The following ARFGEF3 variants were observed in gnomAD, a reference collection of about 807,000 sequenced individuals.
The protein encoded by ARFGEF3 is brefeldin A-inhibited guanine nucleotide-exchange protein 3.
Under a neutral mutation model 221.7 loss-of-function variants are expected in ARFGEF3, and 96 were observed. The ratio of observed to expected loss-of-function variants is 0.43; its 90% CI spans 0.37 to 0.51. The LOEUF (loss-of-function observed/expected upper bound fraction) is 0.51, where lower values mean the gene tolerates loss of function less well. Ranked by LOEUF, ARFGEF3 falls within the 20% of genes least tolerant of loss-of-function variation. The pLI is 0.00. For synonymous variants in ARFGEF3, 1,145 were observed against 1,126.8 expected, an observed-to-expected ratio of 1.02 and a Z score of -0.32; for missense variants, 2,410 against 2,789.9, an observed-to-expected ratio of 0.86 and a Z score of 3.07.
At chr6:138,268,706 C>G (rs1043313498) in intron 12 of ARFGEF3, among the ~76,000 whole-genome samples, 3 of 152,194 alleles carry the variant, frequency 2.0e-5, no homozygotes, top group Non-Finnish European at 2.9e-5. Flanking sequence ...AAAGGAAGGT[C>G]CCAGCCTTGC....
At chr6:138,217,967 C>T in intron 4 of ARFGEF3, 2 of 1,572,356 alleles carry the variant, frequency 1.3e-6, no homozygotes, top group South Asian at 1.2e-5. Flanking sequence ...TCTGGAAAGG[C>T]TTTGCAGCAG....
intron 14 of ARFGEF3, among the ~76,000 whole-genome samples, chr6:138,283,385 A>G (rs1261961487): frequency 6.6e-6 from 1 of 152,240 alleles, no homozygotes; most frequent in Non-Finnish European, 1.5e-5. Flanking sequence ...TTAATTAGCC[A>G]TCGCTGTTAT....
At chr6:138,285,419 A>G (rs868122220) in intron 14 of ARFGEF3, among the ~76,000 whole-genome samples, 13 of 150,298 alleles carry the variant, frequency 8.6e-5, no homozygotes, top group African/African-American at 3.2e-4. Context: ...ACGCCACTGC[A>G]CTCCAGCCTG....
At chr6:138,194,991 T>A (rs1282030100) in intron 2 of ARFGEF3, among the ~76,000 whole-genome samples, 1 of 94,148 alleles carries the variant, frequency 1.1e-5, no homozygotes, top group East Asian at 5.9e-4. Context: ...TTTCCCTAAT[T>A]TTTTTTTTTT....
chr6:138,164,241 G>A (rs1776676595), intron 1 of ARFGEF3, among the ~76,000 whole-genome samples: 1 of 152,068 alleles, frequency 6.6e-6, no homozygotes, highest in Non-Finnish European at 1.5e-5. Flanking sequence ...TTTATTTCTA[G>A]ATTAATGTGT....
At chr6:138,192,032 C>T (rs1312509026) in intron 2 of ARFGEF3, among the ~76,000 whole-genome samples, 1 of 152,148 alleles carries the variant, frequency 6.6e-6, no homozygotes, top group Non-Finnish European at 1.5e-5. Context: ...TACGCTGAGT[C>T]CTAGGTGAGG....
chr6:138,169,967 C>CAA (rs1454106109), intron 1 of ARFGEF3, among the ~76,000 whole-genome samples: 1 of 152,088 alleles, frequency 6.6e-6, no homozygotes, highest in African/African-American at 2.4e-5. Context: ...AGAAAGGGGT[C>CAA]AACACAATTT....
At chr6:138,165,469 C>A (rs1467760464) in intron 1 of ARFGEF3, among the ~76,000 whole-genome samples, 1 of 150,970 alleles carries the variant, frequency 6.6e-6, no homozygotes, top group Non-Finnish European at 1.5e-5. Flanking sequence ...CCCACTGAGA[C>A]CCTCATGGGA....
At chr6:138,170,619 G>T in intron 1 of ARFGEF3, 43 bp from the exon 2 acceptor site, 1 of 1,041,144 alleles carries the variant, frequency 9.6e-7, no homozygotes. Context: ...TATATTCTCA[G>T]TGTTTAAATA....
In ARFGEF3 at chr6:138,170,657, T is replaced by C. The variant is rs780600008; in HGVS notation, c.86-5T>C. ...TATTTTAACTTTGTAATTTTTCTTT[T>C]GCAGAAACTCTAGGTGGTCTGGATA... On this transcript the variant is annotated splice_region_variant and splice_polypyrimidine_tract_variant and intron_variant, in intron 1 of 33. Coordinates refer to ENST00000251691, the MANE Select transcript of ARFGEF3 (RefSeq NM_020340.5). 23 of 1,532,346 alleles carry C rather than the reference T, an allele frequency of 1.5e-5. No homozygotes were observed. The East Asian group carries it at 1.8e-4, about 12-fold the overall frequency. 94.9% of individuals were successfully genotyped at this position (1,532,346 alleles called of 1,614,324 possible). A position where few individuals can be genotyped will look rare whatever the true frequency, so the allele number is the denominator to read the frequency against.
At chr6:138,192,695 G>T (rs1024577164) in intron 2 of ARFGEF3, among the ~76,000 whole-genome samples, 1 of 152,238 alleles carries the variant, frequency 6.6e-6, no homozygotes, top group Non-Finnish European at 1.5e-5. Context: ...CAGAGCTGGG[G>T]CGCTCCAGAG....
chr6:138,253,212 C>T (rs921544743), intron 8 of ARFGEF3, among the ~76,000 whole-genome samples: 1 of 151,924 alleles, frequency 6.6e-6, no homozygotes, highest in Non-Finnish European at 1.5e-5. Flanking sequence ...GGCAAGTGTA[C>T]TATACCAATG....
At chr6:138,321,342 C>T (rs1336985758) in intron 29 of ARFGEF3, 117 bp downstream of exon 29, 1 of 613,894 alleles carries the variant, frequency 1.6e-6, no homozygotes, top group Non-Finnish European at 2.9e-6. Context: ...TGTAAGTAGA[C>T]TTTTGTAATT....
chr6:138,321,941 C>CA (rs1287620712), intron 29 of ARFGEF3, among the ~76,000 whole-genome samples: 3 of 152,112 alleles, frequency 2.0e-5, no homozygotes, highest in Non-Finnish European at 4.4e-5. Flanking sequence ...TGGCGGAAGG[C>CA]AAGGAGGAGC....
At position 138,225,092 on chromosome 6, in the gene ARFGEF3, C is replaced by T. The variant is rs530610720; in HGVS notation, c.352-4692C>T. On this transcript the variant is annotated intron_variant, in intron 4 of 33. Transcript: ENST00000251691. Reference sequence around the variant, plus strand: ...TCTCCCTGCATCTTTTTTCCAAATGCGCAACAGTCAATTCATTGCCACGGG... The same window carrying T: ...TCTCCCTGCATCTTTTTTCCAAATGTGCAACAGTCAATTCATTGCCACGGG... Among the ~76,000 whole-genome samples the T allele has an allele frequency of 5.3e-5, 8 of 152,226 alleles. No homozygotes were observed. The South Asian group carries it at 8.3e-4, about 16-fold the overall frequency.
chr6:138,165,394 A>G (rs139820761), intron 1 of ARFGEF3, among the ~76,000 whole-genome samples: 55 of 149,588 alleles, frequency 3.7e-4, no homozygotes, highest in African/African-American at 1.3e-3. Context: ...GTCATCCCCT[A>G]CTTAGACCAT....
intron 27 of ARFGEF3, among the ~76,000 whole-genome samples, chr6:138,319,308 G>A (rs1288825925): frequency 2.6e-5 from 4 of 151,060 alleles, no homozygotes; most frequent in Non-Finnish European, 5.9e-5. Flanking sequence ...TATGCAGACC[G>A]AAGTTTACAT....
intron 1 of ARFGEF3, among the ~76,000 whole-genome samples, chr6:138,168,773 C>T (rs558849787): frequency 9.8e-5 from 15 of 152,330 alleles, no homozygotes. Context: ...CTCATTACCC[C>T]CAGCAGGAAG....
At chr6:138,326,031 AT>A (rs1291274931) in intron 31 of ARFGEF3, among the ~76,000 whole-genome samples, 1 of 151,922 alleles carries the variant, frequency 6.6e-6, no homozygotes, top group African/African-American at 2.4e-5. Flanking sequence ...TAATTTTTGC[AT>A]TTTTAGCAGA....
Sources: gnomAD v4.1 joint callset for allele counts (sites outside exome capture counted in the v4.1 genomes callset) on GRCh38, gnomAD v4.1.1 for gene constraint, MANE v1.5 for transcripts, NCBI Gene and HGNC (gene_info 2026-07-23, HGNC 2026-07-21) for gene names.